FNDC3A: variants seen among roughly 807,000 people sequenced by gnomAD.
FNDC3A encodes fibronectin type-III domain-containing protein 3A.
FNDC3A carries 32 observed loss-of-function variants against 148.9 expected under a neutral mutation model. The observed-to-expected ratio is 0.21, with a 90% CI of 0.16 to 0.29. The LOEUF is 0.29. FNDC3A is among the 10% of genes least tolerant of loss of function. The pLI is 1.00. For synonymous variants in FNDC3A, 472 were observed against 473.6 expected (o/e 1.00, Z 0.04); for missense variants, 1,191 against 1,452.8 (o/e 0.82, Z 2.93).
rs187649928 is a variant in FNDC3A, at chr13:49,135,982, G to T, written c.491-350G>T. On this transcript the variant is annotated intron_variant, in intron 5 of 25. Transcript: ENST00000492622. ...GATGTGAAAAGTAATAGTTACTAAA[G>T]AGTAAAAGAAAAAGAACTGTGGACT... 1.8e-4 allele frequency among the ~76,000 whole-genome samples: 28 copies of T among 152,214 alleles called. No individual in the cohort carries two copies. The East Asian group carries it at 5.2e-3, about 28-fold the overall frequency.
At chr13:49,157,419 C>A (rs1883766841) in intron 8 of FNDC3A, among the ~76,000 whole-genome samples, 3 of 136,402 alleles carry the variant, frequency 2.2e-5, no homozygotes, top group Non-Finnish European at 3.2e-5. Flanking sequence ...GTTATACATT[C>A]TTCTAAATTT....
At chr13:49,154,912 C>T (rs2137998015) in intron 8 of FNDC3A, among the ~76,000 whole-genome samples, 1 of 74,946 alleles carries the variant, frequency 1.3e-5, no homozygotes, top group Non-Finnish European at 2.7e-5. Flanking sequence ...CTGCTGGATT[C>T]GTTTTGCCAG....
Position 49,170,551 on chromosome 13 carries a change from C to T in FNDC3A, c.1177-1492C>T, listed in dbSNP as rs535649335. ...TTTTTCTGTCTTATTGCCAGTCCCC[C>T]AAGGCAGACTATCTACTTCTCAGCC... On this transcript the variant is annotated intron_variant, in intron 10 of 25. Coordinates refer to ENST00000492622, the MANE Select transcript of FNDC3A (RefSeq NM_001079673.2). Among the ~76,000 whole-genome samples, 159 of 152,240 alleles carry T rather than the reference C, an allele frequency of 1.0e-3. 1 individual carries two copies. Among genetic ancestry groups the T allele is most frequent in the Middle Eastern group, 3.4e-3 (1 of 294 alleles).
chr13:49,106,403 C>T (rs766988814), intron 3 of FNDC3A, among the ~76,000 whole-genome samples: 41 of 152,106 alleles, frequency 2.7e-4, no homozygotes, highest in African/African-American at 7.5e-4. Context: ...ATCTCAGCTT[C>T]CTAGGCTCAA....
In FNDC3A at chr13:49,191,324, G is replaced by C. The variant is rs749006669; in HGVS notation, c.2166G>C (p.Val722=). 6.2e-7 allele frequency: 1 copy of C among 1,612,716 alleles called. No individual in the cohort carries two copies. The highest frequency in any genetic ancestry group is 1.7e-5 in the Admixed American group (1 of 59,526). Residue 722 remains valine, a synonymous_variant, in exon 19 of 26, where the codon GTG becomes GTC. Transcript: ENST00000492622. Reference sequence around the variant, plus strand: ...AAGGTTCTGAAGTAGAATGTACAGTGAGCAGCCTTCTTCCTGGAAAGACAT... The same window carrying C: ...AAGGTTCTGAAGTAGAATGTACAGTCAGCAGCCTTCTTCCTGGAAAGACAT... The part of the protein sequence containing the change: ...VYQGSEVECT[V]SSLLPGKTYS...
chr13:49,145,812 C>T lies in FNDC3A; in HGVS notation c.854C>T (p.Thr285Ile). 1 of 1,613,952 alleles carries T rather than the reference C, an allele frequency of 6.2e-7. No individual in the cohort carries two copies. Reference sequence around the variant, plus strand: ...ATCCAGGCAAGGACAGTAGTACTTACCTGGTCACCACCTTCCAGCCTCATT... The same window carrying T: ...ATCCAGGCAAGGACAGTAGTACTTATCTGGTCACCACCTTCCAGCCTCATT... Reference protein sequence around the residue: ...SDIQARTVVLTWSPPSSLING... With the variant: ...SDIQARTVVLIWSPPSSLING... Residue 285 changes from threonine to isoleucine, a missense_variant, in exon 8 of 26, where the codon ACC (threonine) becomes ATC (isoleucine). Thr to Ile is a moderately conservative substitution (Grantham distance 89). Transcript: ENST00000492622.
Position 49,174,483 on chromosome 13 carries a change from C to A in FNDC3A, c.1279C>A (p.Gln427Lys). ...TCAGTGTTACATGGGCTCACAGAAA[C>A]AATTTAAAATTACTAAACTTTCACC... ...FCQCYMGSQK[Q>K]FKITKLSPAM... The change falls in exon 12 of 26, where the codon CAA becomes AAA. Residue 427 changes from glutamine (Q) to lysine (K), a missense_variant. Coordinates refer to ENST00000492622, the MANE Select transcript of FNDC3A (RefSeq NM_001079673.2). 6.2e-7 allele frequency: 1 copy of A among 1,612,236 alleles called. No homozygotes were observed. The highest frequency in any genetic ancestry group is 8.5e-7 in the Non-Finnish European group (1 of 1,178,558).
chr13:49,174,317 T>G (rs932124121), intron 11 of FNDC3A, 118 bp from the exon 12 acceptor site: 12 of 729,400 alleles, frequency 1.6e-5, no homozygotes, highest in East Asian at 2.6e-5. Flanking sequence ...AGCCTTCTCT[T>G]GAGATCCATG....
At chr13:49,206,114 A>G (rs1289015521) in intron 25 of FNDC3A, among the ~76,000 whole-genome samples, 1 of 152,190 alleles carries the variant, frequency 6.6e-6, no homozygotes, top group East Asian at 1.9e-4. Context: ...GAGGTTGCTC[A>G]TTATTGGAAA....
intron 2 of FNDC3A, among the ~76,000 whole-genome samples, chr13:49,010,896 T>A (rs1952328136): frequency 6.6e-6 from 1 of 152,222 alleles, no homozygotes; most frequent in African/African-American, 2.4e-5. Flanking sequence ...AAATTAAACT[T>A]GGTTTAACTA....
intron 3 of FNDC3A, among the ~76,000 whole-genome samples, chr13:49,087,139 T>C (rs2137808282): frequency 6.6e-6 from 1 of 152,250 alleles, no homozygotes; most frequent in African/African-American, 2.4e-5. Flanking sequence ...AAAATATCAC[T>C]GTTATAGTTA....
rs927006121 is a variant in FNDC3A at position 49,045,581 on chromosome 13, C to T, written c.100-29708C>T. On this transcript the variant is annotated intron_variant, in intron 2 of 25. Coordinates refer to ENST00000492622, the MANE Select transcript of FNDC3A (RefSeq NM_001079673.2). The stretch of plus-strand genomic sequence containing the variant: ...GTTTGAACAAGTAATATATCCCATA[C>T]CATACTCTCTTAAATGAGAAGGCAA... 4 of 418,412 alleles carry T rather than the reference C, an allele frequency of 9.6e-6. No individual in the cohort carries two copies. In the South Asian group the frequency reaches 2.0e-4, roughly 21 times the overall value. 25.9% of individuals were successfully genotyped at this position (418,412 alleles called of 1,614,324 possible).
intron 17 of FNDC3A, 70 bp downstream of exon 17, chr13:49,188,703 C>A: frequency 1.1e-6 from 1 of 911,974 alleles, no homozygotes; most frequent in Non-Finnish European, 1.8e-6. Context: ...TCACCAGGTG[C>A]CACTTCAAAT....
intron 3 of FNDC3A, among the ~76,000 whole-genome samples, chr13:49,101,275 G>A (rs141273440): frequency 3.9e-5 from 6 of 152,190 alleles, no homozygotes; most frequent in African/African-American, 7.2e-5. Context: ...TTGGTCCCTC[G>A]ACTCTGTGGA....
intron 2 of FNDC3A, among the ~76,000 whole-genome samples, chr13:49,062,739 T>C (rs919875694): frequency 6.6e-6 from 1 of 152,210 alleles, no homozygotes; most frequent in African/African-American, 2.4e-5. Context: ...ATACCACTTG[T>C]TACACTATAA....
At chr13:48,976,417 G>A (rs1337337327) in intron 1 of FNDC3A, among the ~76,000 whole-genome samples, 2 of 152,190 alleles carry the variant, frequency 1.3e-5, no homozygotes, top group Non-Finnish European at 2.9e-5. Flanking sequence ...GGCACCTGCC[G>A]GGGCCGAGCC....
intron 3 of FNDC3A, among the ~76,000 whole-genome samples, chr13:49,089,274 G>A (rs374578001): frequency 9.0e-4 from 137 of 152,314 alleles, no homozygotes; most frequent in African/African-American, 3.0e-3. Flanking sequence ...GCAGATACCT[G>A]AAGCCAGAGC....
At chr13:49,134,159 A>G (rs1882192476) in intron 5 of FNDC3A, among the ~76,000 whole-genome samples, 2 of 152,212 alleles carry the variant, frequency 1.3e-5, no homozygotes, top group African/African-American at 4.8e-5. Flanking sequence ...GAAACTGTGC[A>G]TATTAACAGT....
chr13:49,175,262 T>G (rs1217139148), intron 12 of FNDC3A, 105 bp from the exon 13 acceptor site: 2 of 646,072 alleles, frequency 3.1e-6, no homozygotes, highest in Non-Finnish European at 4.9e-6. Flanking sequence ...TTATAATTCA[T>G]TATCAAAACT....
Sources: gnomAD v4.1 joint callset for allele counts (sites outside exome capture counted in the v4.1 genomes callset) on GRCh38, gnomAD v4.1.1 for gene constraint, MANE v1.5 for transcripts, NCBI Gene and HGNC (gene_info 2026-07-23, HGNC 2026-07-21) for gene names.